WWOX: variants seen among roughly 807,000 people sequenced by gnomAD.
The protein encoded by WWOX is WW domain-containing oxidoreductase.
Under a neutral mutation model 46.2 loss-of-function variants are expected in WWOX, and 69 were observed. The ratio of observed to expected loss-of-function variants is 1.49; its 90% confidence interval spans 1.23 to 1.82. The LOEUF is 1.82. Among genes scored for constraint, WWOX ranks in the 40% most tolerant of loss-of-function variants. The pLI, the probability that WWOX is intolerant of heterozygous loss-of-function variation, is 0.00. For missense variants in WWOX, 919 were observed against 542.6 expected (o/e 1.69, Z -6.89); for synonymous variants, 359 against 202.6 (o/e 1.77, Z -6.56).
intron 8 of WWOX, among the ~76,000 whole-genome samples, chr16:79,058,182 C>G (rs1029864279): frequency 1.3e-5 from 2 of 150,956 alleles, no homozygotes; most frequent in Non-Finnish European, 2.9e-5. Flanking sequence ...AGAGTGTGTA[C>G]CTGTATAGAG....
chr16:78,615,698 T>G (rs993961794), intron 8 of WWOX, among the ~76,000 whole-genome samples: 20 of 143,742 alleles, frequency 1.4e-4, no homozygotes, highest in African/African-American at 5.1e-4. Flanking sequence ...AAATAAACAG[T>G]AGTGGTTGAA....
At chr16:79,128,162 T>C (rs948807687) in intron 8 of WWOX, among the ~76,000 whole-genome samples, 14 of 152,158 alleles carry the variant, frequency 9.2e-5, no homozygotes, top group African/African-American at 2.9e-4. Flanking sequence ...ACAATGGCTG[T>C]GGTTTGATGA....
At chr16:78,502,238 C>G (rs112349049) in intron 8 of WWOX, among the ~76,000 whole-genome samples, 6,682 of 152,158 alleles carry the variant, frequency 0.044, 208 homozygotes, top group Non-Finnish European at 0.066. Flanking sequence ...GTGTACAATT[C>G]AATGGCTTTT....
chr16:78,559,011 A>G (rs562140845), intron 8 of WWOX, among the ~76,000 whole-genome samples: 11 of 152,254 alleles, frequency 7.2e-5, no homozygotes, highest in East Asian at 1.9e-4. Context: ...GTTGCTCACA[A>G]TCATATCCAC....
At position 78,781,178 on chromosome 16, in the gene WWOX, T is replaced by C. The variant is rs1047511839; in HGVS notation, c.1056+348426T>C. On this transcript the variant is annotated intron_variant, in intron 8 of 8. Coordinates refer to ENST00000566780, the MANE Select transcript of WWOX (RefSeq NM_016373.4). ...ACATTCACCACAACTGAAGTGTTGA[T>C]GGGGTGTGTTGTGACCCCTGGCTTG... Among the ~76,000 whole-genome samples the C allele has an allele frequency of 3.9e-5, 6 of 152,228 alleles. No individual in the cohort carries two copies. The East Asian group carries it at 5.8e-4, about 15-fold the overall frequency.
At chr16:78,304,840 C>A (rs370201900) in intron 5 of WWOX, among the ~76,000 whole-genome samples, 10 of 152,312 alleles carry the variant, frequency 6.6e-5, no homozygotes, top group African/African-American at 2.4e-4. Context: ...AACTTTCTCT[C>A]TGTTGAGGTT....
intron 8 of WWOX, among the ~76,000 whole-genome samples, chr16:79,198,074 C>T (rs1430681576): frequency 6.6e-6 from 1 of 152,060 alleles, no homozygotes; most frequent in Non-Finnish European, 1.5e-5. Context: ...CCTATAATCC[C>T]AGCACTTGGG....
intron 4 of WWOX, among the ~76,000 whole-genome samples, chr16:78,156,933 T>C (rs2034626702): frequency 6.6e-6 from 1 of 152,044 alleles, no homozygotes; most frequent in Non-Finnish European, 1.5e-5. Context: ...TCTGTCTCAG[T>C]CAGTCAATCA....
At chr16:78,815,803 C>G (rs781591138) in intron 8 of WWOX, among the ~76,000 whole-genome samples, 19 of 152,026 alleles carry the variant, frequency 1.2e-4, no homozygotes, top group East Asian at 5.8e-4. Flanking sequence ...TTCAGTGACC[C>G]TCCTCTTGCT....
intron 5 of WWOX, among the ~76,000 whole-genome samples, chr16:78,191,467 C>A (rs6564516): frequency 0.73 from 111,664 of 152,162 alleles, 41,468 homozygotes; most frequent in African/African-American, 0.86. Flanking sequence ...TATGCCGCCA[C>A]AATATATCAA....
intron 8 of WWOX, among the ~76,000 whole-genome samples, chr16:78,912,056 G>C (rs1023105455): frequency 2.6e-5 from 4 of 152,034 alleles, no homozygotes; most frequent in Non-Finnish European, 5.9e-5. Context: ...TAGGTTCTGA[G>C]TCCAATTATG....
intron 8 of WWOX, among the ~76,000 whole-genome samples, chr16:79,148,561 A>G (rs576549631): frequency 6.6e-6 from 1 of 152,198 alleles, no homozygotes; most frequent in East Asian, 1.9e-4. Context: ...GTGCTTTTTC[A>G]TATAAATTGT....
intron 8 of WWOX, among the ~76,000 whole-genome samples, chr16:78,664,291 G>A (rs760557012): frequency 1.3e-5 from 2 of 152,152 alleles, no homozygotes; most frequent in African/African-American, 2.4e-5. Context: ...AACTCTTCAT[G>A]TACACACCCT....
rs181687187 is a variant in WWOX, at chr16:78,840,809, A to G, written c.1057-370799A>G. 1.3e-3 allele frequency among the ~76,000 whole-genome samples: 193 copies of G among 150,258 alleles called. 1 individual carries two copies. The highest frequency in any genetic ancestry group is 2.2e-3 in the Non-Finnish European group (145 of 66,808). ...AAAATTGTGGGCACTTAGTAGGTAT[A>G]TATATTTGTGGTCTGTGTTTCTTAT... On this transcript the variant is annotated intron_variant, in intron 8 of 8. Transcript: ENST00000566780.
At chr16:78,988,018 G>A (rs953602216) in intron 8 of WWOX, among the ~76,000 whole-genome samples, 2 of 152,048 alleles carry the variant, frequency 1.3e-5, no homozygotes, top group African/African-American at 2.4e-5. Flanking sequence ...TATAAAGGGG[G>A]GGTGGTCAAG....
At chr16:79,042,877 G>A (rs1016761935) in intron 8 of WWOX, among the ~76,000 whole-genome samples, 5 of 152,100 alleles carry the variant, frequency 3.3e-5, no homozygotes, top group Non-Finnish European at 7.4e-5. Context: ...AGCTTTTATT[G>A]CTTCTATTCA....
At chr16:78,187,597 A>C (rs967286555) in intron 5 of WWOX, among the ~76,000 whole-genome samples, 8 of 152,044 alleles carry the variant, frequency 5.3e-5, no homozygotes, top group African/African-American at 1.9e-4. Context: ...ACAGAGTGAG[A>C]CTCTGAGACT....
chr16:78,498,219 G>GAAAAA lies in WWOX; in HGVS notation c.1056+65471_1056+65475dup, dbSNP rs1008621694. Reference sequence around the variant, plus strand: ...GACTCCATCTCAAAAAAAAAAAAAAGAAAAAAAAGCATCAGGGTTGTCACC... The same window carrying GAAAAA: ...GACTCCATCTCAAAAAAAAAAAAAAGAAAAAAAAAAAAAGCATCAGGGTTGTCACC... On this transcript the variant is annotated intron_variant, in intron 8 of 8. Transcript: ENST00000566780. 1.3e-4 allele frequency among the ~76,000 whole-genome samples: 6 copies of GAAAAA among 44,892 alleles called. 2 individuals are homozygous for GAAAAA. Among genetic ancestry groups the GAAAAA allele is most frequent in the Non-Finnish European group, 4.2e-4 (6 of 14,150 alleles). 29.5% of individuals were successfully genotyped at this position (44,892 alleles called of 152,430 possible).
At chr16:78,988,161 G>A (rs920573955) in intron 8 of WWOX, among the ~76,000 whole-genome samples, 2 of 151,826 alleles carry the variant, frequency 1.3e-5, no homozygotes, top group African/African-American at 4.8e-5. Flanking sequence ...TGGCCAACAT[G>A]GTGAAACCCC....
Sources: allele counts gnomAD v4.1 joint callset (sites outside exome capture counted in the v4.1 genomes callset), GRCh38; gene constraint gnomAD v4.1.1; transcripts MANE v1.5; gene names NCBI Gene and HGNC (gene_info 2026-07-23, HGNC 2026-07-21).